ST3GAL3: variants seen among roughly 807,000 people sequenced by gnomAD.
ST3GAL3 encodes the protein CMP-N-acetylneuraminate-beta-1,4-galactoside alpha-2,3-sialyltransferase.
In ST3GAL3, 21 loss-of-function variants were observed where a neutral mutation model predicts 50.1. That is an observed-to-expected ratio of 0.42 (90% CI 0.30 to 0.60). The LOEUF is 0.60. Among genes scored for constraint, ST3GAL3 ranks in the 20% least tolerant of loss-of-function variants. The pLI is 0.19. For synonymous variants in ST3GAL3, 183 were observed against 190.0 expected, an observed-to-expected ratio of 0.96 and a Z score of 0.30; for missense variants, 353 against 489.4, an observed-to-expected ratio of 0.72 and a Z score of 2.63.
At chr1:43,711,659 A>C (rs993935810) in intron 1 of ST3GAL3, among the ~76,000 whole-genome samples, 3 of 152,220 alleles carry the variant, frequency 2.0e-5, no homozygotes, top group Non-Finnish European at 4.4e-5. Flanking sequence ...AACTCTTCCA[A>C]GCACTTGTAA....
intron 2 of ST3GAL3, among the ~76,000 whole-genome samples, chr1:43,740,120 T>C (rs1680195528): frequency 6.6e-6 from 1 of 151,998 alleles, no homozygotes; most frequent in Non-Finnish European, 1.5e-5. Flanking sequence ...TCCCAGCACT[T>C]TGGGAGGCCG....
chr1:43,881,072 G>A (rs946867526), intron 5 of ST3GAL3, among the ~76,000 whole-genome samples: 52 of 151,590 alleles, frequency 3.4e-4, no homozygotes, highest in Admixed American at 1.6e-3. Flanking sequence ...GTGCAATGGC[G>A]CGATCTCAGC....
intron 2 of ST3GAL3, among the ~76,000 whole-genome samples, chr1:43,778,316 G>C (rs543116859): frequency 7.4e-4 from 113 of 152,286 alleles, no homozygotes; most frequent in Middle Eastern, 3.4e-3. Flanking sequence ...AATGGATGCT[G>C]GGCTTAATAC....
rs144866793 is a variant in ST3GAL3, at chr1:43,718,448, C to G, written c.-31+10755C>G. Among the ~76,000 whole-genome samples, 308 of 151,990 alleles carry G rather than the reference C, an allele frequency of 2.0e-3. 2 individuals are homozygous for G. Among genetic ancestry groups the G allele is most frequent in the African/African-American group, 7.0e-3 (289 of 41,496 alleles). ...TCATGATCCGCCCGCCTCGGCCTCT[C>G]AAAGTGCTGGGATTACAGGCGTGAG... is the stretch of plus-strand genomic sequence containing the variant. On this transcript the variant is annotated intron_variant, in intron 1 of 11. Coordinates refer to ENST00000347631, the MANE Select transcript of ST3GAL3 (RefSeq NM_006279.5).
At chr1:43,864,346 G>A (rs1392943579) in intron 5 of ST3GAL3, among the ~76,000 whole-genome samples, 1 of 152,220 alleles carries the variant, frequency 6.6e-6, no homozygotes, top group African/African-American at 2.4e-5. Flanking sequence ...GCAAGCACAA[G>A]GAGCTGTGTG....
intron 1 of ST3GAL3, among the ~76,000 whole-genome samples, chr1:43,719,858 G>GA (rs1424212314): frequency 7.2e-6 from 1 of 139,194 alleles, no homozygotes; most frequent in African/African-American, 2.6e-5. Context: ...ACTTGAAACT[G>GA]AGAGGCGGAG....
At chr1:43,767,384 G>T (rs1397801810) in intron 2 of ST3GAL3, among the ~76,000 whole-genome samples, 4 of 152,072 alleles carry the variant, frequency 2.6e-5, no homozygotes, top group Non-Finnish European at 5.9e-5. Flanking sequence ...AATGAGTCAG[G>T]TCACAAAGGT....
intron 3 of ST3GAL3, 116 bp downstream of exon 3, chr1:43,792,265 G>C (rs2058173553): frequency 7.4e-7 from 1 of 1,358,082 alleles, no homozygotes; most frequent in Admixed American, 1.7e-5. Context: ...CCAGAATTGG[G>C]GGAAGTCTCA....
intron 7 of ST3GAL3, among the ~76,000 whole-genome samples, chr1:43,898,847 C>T (rs909578418): frequency 3.3e-5 from 5 of 152,176 alleles, no homozygotes; most frequent in African/African-American, 1.2e-4. Flanking sequence ...CACCACTACC[C>T]CTTGGGGAAC....
chr1:43,768,827 G>C (rs949976785), intron 2 of ST3GAL3, among the ~76,000 whole-genome samples: 1 of 152,134 alleles, frequency 6.6e-6, no homozygotes, highest in Non-Finnish European at 1.5e-5. Context: ...AGATTGAAAA[G>C]AATAATTAAT....
chr1:43,772,091 T>C (rs1695476732), intron 2 of ST3GAL3: 5 of 398,770 alleles, frequency 1.3e-5, no homozygotes, highest in Non-Finnish European at 2.2e-5. Context: ...GTTTCACTCT[T>C]GTTGCTGGAG....
At chr1:43,824,945 G>T in intron 4 of ST3GAL3, 1 of 717,978 alleles carries the variant, frequency 1.4e-6, no homozygotes, top group Non-Finnish European at 2.6e-6. Flanking sequence ...AAAAGATTCT[G>T]TTTCCTGTCT....
At chr1:43,853,261 A>G (rs1016766125) in intron 5 of ST3GAL3, among the ~76,000 whole-genome samples, 1 of 152,226 alleles carries the variant, frequency 6.6e-6, no homozygotes, top group Non-Finnish European at 1.5e-5. Flanking sequence ...AGCCACGTCC[A>G]TGCTGCAGAG....
intron 5 of ST3GAL3, among the ~76,000 whole-genome samples, chr1:43,845,069 C>A (rs1016280794): frequency 6.6e-6 from 1 of 152,024 alleles, no homozygotes; most frequent in African/African-American, 2.4e-5. Context: ...CTGCAACCTC[C>A]GCCTCCTGGG....
chr1:43,863,645 C>T (rs939262873), intron 5 of ST3GAL3, among the ~76,000 whole-genome samples: 1 of 152,250 alleles, frequency 6.6e-6, no homozygotes, highest in African/African-American at 2.4e-5. Flanking sequence ...AGCTCCATCA[C>T]TAAGCCAGCT....
chr1:43,780,830 C>G (rs934731031), intron 2 of ST3GAL3, among the ~76,000 whole-genome samples: 1 of 151,922 alleles, frequency 6.6e-6, no homozygotes, highest in African/African-American at 2.4e-5. Flanking sequence ...AGTTTTCATC[C>G]CCCTGAGTCT....
chr1:43,836,141 C>T (rs2064294917), intron 4 of ST3GAL3, among the ~76,000 whole-genome samples: 1 of 152,216 alleles, frequency 6.6e-6, no homozygotes, highest in African/African-American at 2.4e-5. Context: ...AGAGAGCTAA[C>T]TGAAAACATC....
chr1:43,779,156 A>G, intron 2 of ST3GAL3, among the ~76,000 whole-genome samples: 1 of 150,672 alleles, frequency 6.6e-6, no homozygotes, highest in East Asian at 1.9e-4. Context: ...TTGCCAGGCT[A>G]GTCTCAAACT....
chr1:43,762,038 G>A (rs1329583268), intron 2 of ST3GAL3, among the ~76,000 whole-genome samples: 2 of 150,872 alleles, frequency 1.3e-5, no homozygotes, highest in African/African-American at 4.9e-5. Context: ...GGCCAAGGCA[G>A]GAGGTTCACT....
Sources: gnomAD v4.1 joint callset for allele counts (sites outside exome capture counted in the v4.1 genomes callset) on GRCh38, gnomAD v4.1.1 for gene constraint, MANE v1.5 for transcripts, NCBI Gene and HGNC (gene_info 2026-07-23, HGNC 2026-07-21) for gene names.